TMPRSS12: variants seen among roughly 807,000 people sequenced by gnomAD.
TMPRSS12 encodes the protein transmembrane serine protease 12.
TMPRSS12 carries 25 observed loss-of-function variants against 26.0 expected under a neutral mutation model. That is an observed-to-expected ratio of 0.96 (90% CI 0.70 to 1.34). TMPRSS12 has a LOEUF of 1.34. Among genes scored for constraint, TMPRSS12 ranks in the 40% most tolerant of loss-of-function variants. The pLI is 0.00. For missense variants in TMPRSS12, 441 were observed against 440.1 expected, an observed-to-expected ratio of 1.00 and a Z score of -0.02; for synonymous variants, 150 against 161.7, an observed-to-expected ratio of 0.93 and a Z score of 0.55.
At chr12:50,871,308 C>T (rs1187069762) in intron 3 of TMPRSS12, among the ~76,000 whole-genome samples, 1 of 152,154 alleles carries the variant, frequency 6.6e-6, no homozygotes, top group African/African-American at 2.4e-5. Context: ...TTGCAGCCAA[C>T]TGATCTTCAA....
intron 3 of TMPRSS12, among the ~76,000 whole-genome samples, chr12:50,874,241 C>T (rs1311268488): frequency 6.6e-6 from 1 of 151,988 alleles, no homozygotes. Context: ...TATTATTATC[C>T]TGACACCAAA....
chr12:50,854,747 A>G (rs1565931440), intron 2 of TMPRSS12, among the ~76,000 whole-genome samples: 1 of 152,216 alleles, frequency 6.6e-6, no homozygotes, highest in African/African-American at 2.4e-5. Flanking sequence ...CTAAGGATAC[A>G]TCTAACCAGG....
At chr12:50,859,247 G>T (rs1937912460) in intron 3 of TMPRSS12, among the ~76,000 whole-genome samples, 194 bp downstream of exon 3, 1 of 146,194 alleles carries the variant, frequency 6.8e-6, no homozygotes, top group South Asian at 2.2e-4. Context: ...ACAGAGTCTT[G>T]CTCTGTTGCC....
intron 3 of TMPRSS12, among the ~76,000 whole-genome samples, chr12:50,860,407 T>C (rs577416070): frequency 1.1e-4 from 17 of 152,296 alleles, no homozygotes; most frequent in African/African-American, 3.8e-4. Flanking sequence ...TCTGTTCTTG[T>C]TGTTATTTAA....
intron 2 of TMPRSS12, 48 bp from the exon 3 acceptor site, chr12:50,858,737 C>G (rs1565932273): frequency 7.3e-7 from 1 of 1,366,534 alleles, no homozygotes; most frequent in Non-Finnish European, 9.6e-7. Flanking sequence ...AGAATATGTA[C>G]TTAGTTAATT....
intron 3 of TMPRSS12, 53 bp from the exon 4 acceptor site, chr12:50,885,193 T>C: frequency 6.7e-7 from 1 of 1,490,634 alleles, no homozygotes; most frequent in Non-Finnish European, 9.0e-7. Context: ...AACATTTAAA[T>C]CACTGTAAAA....
chr12:50,873,703 G>T (rs1017083493), intron 3 of TMPRSS12, among the ~76,000 whole-genome samples: 2 of 152,150 alleles, frequency 1.3e-5, no homozygotes, highest in Non-Finnish European at 2.9e-5. Flanking sequence ...TGTTAAAACT[G>T]GGCAAGCGGA....
intron 3 of TMPRSS12, among the ~76,000 whole-genome samples, chr12:50,860,636 G>A (rs996640647): frequency 6.7e-6 from 1 of 150,172 alleles, no homozygotes; most frequent in African/African-American, 2.5e-5. Flanking sequence ...AAGAGACATG[G>A]TCTTGCTGTG....
chr12:50,850,012 T>C (rs1377490472), intron 2 of TMPRSS12, among the ~76,000 whole-genome samples: 1 of 152,296 alleles, frequency 6.6e-6, no homozygotes, highest in East Asian at 1.9e-4. Context: ...TATGGAGCCT[T>C]ATGAGTTTGG....
At chr12:50,883,086 T>C (rs1048784421) in intron 3 of TMPRSS12, among the ~76,000 whole-genome samples, 2 of 152,212 alleles carry the variant, frequency 1.3e-5, no homozygotes, top group Non-Finnish European at 2.9e-5. Flanking sequence ...CTCAGCACTC[T>C]GGGAGGCCAA....
rs540445490 is a variant in TMPRSS12 at position 50,859,544 on chromosome 12, G to A, written c.652+491G>A. On this transcript the variant is annotated intron_variant, in intron 3 of 4. Transcript: ENST00000398458. Reference sequence around the variant, plus strand: ...AGCTAATTTTTGTATTTGTAGTAAAGACAGGGTTTCACCATGTTGACCAGG... The same window carrying A: ...AGCTAATTTTTGTATTTGTAGTAAAAACAGGGTTTCACCATGTTGACCAGG... Among the ~76,000 whole-genome samples the A allele has an allele frequency of 2.0e-5, 3 of 152,178 alleles. No homozygotes were observed. The South Asian group carries it at 6.2e-4, about 32-fold the overall frequency.
At position 50,858,775 on chromosome 12, in the gene TMPRSS12, T is replaced by C. The variant is rs752131161; in HGVS notation, c.384-10T>C. On this transcript the variant is annotated splice_polypyrimidine_tract_variant and intron_variant, in intron 2 of 4. Transcript: ENST00000398458. Reference sequence around the variant, plus strand: ...AGATATTTATAATAAGAATGTTTACTTTCTTTCAGCGATCCTTTAATGTGG... The same window carrying C: ...AGATATTTATAATAAGAATGTTTACCTTCTTTCAGCGATCCTTTAATGTGG... The C allele has an allele frequency of 1.2e-5, 18 of 1,513,944 alleles. No individual in the cohort carries two copies. The highest frequency in any genetic ancestry group is 7.0e-6 in the Non-Finnish European group (8 of 1,136,118). 93.8% of individuals were successfully genotyped at this position (1,513,944 alleles called of 1,614,324 possible).
At chr12:50,864,590 TA>T (rs1051087534) in intron 3 of TMPRSS12, among the ~76,000 whole-genome samples, 6 of 152,218 alleles carry the variant, frequency 3.9e-5, no homozygotes, top group Admixed American at 1.3e-4. Flanking sequence ...AGGTATAGAA[TA>T]AAAAAATATG....
At chr12:50,856,074 A>AT (rs1937873765) in intron 2 of TMPRSS12, among the ~76,000 whole-genome samples, 1 of 152,174 alleles carries the variant, frequency 6.6e-6, no homozygotes, top group African/African-American at 2.4e-5. Context: ...GGAGAAGTGG[A>AT]TTGAAAAACT....
intron 3 of TMPRSS12, among the ~76,000 whole-genome samples, chr12:50,876,547 G>A (rs1158658137): frequency 6.6e-6 from 1 of 152,196 alleles, no homozygotes; most frequent in African/African-American, 2.4e-5. Context: ...GCTCACGCCT[G>A]TAATCCCAGC....
intron 3 of TMPRSS12, among the ~76,000 whole-genome samples, chr12:50,882,602 T>G (rs995361694): frequency 6.6e-6 from 1 of 152,252 alleles, no homozygotes; most frequent in Admixed American, 6.5e-5. Context: ...CTTTTTAAAA[T>G]GTTATGCTGT....
chr12:50,862,088 G>C (rs930383388), intron 3 of TMPRSS12, among the ~76,000 whole-genome samples: 1 of 152,280 alleles, frequency 6.6e-6, no homozygotes, highest in Middle Eastern at 3.4e-3. Context: ...GATTACAGGC[G>C]TGAGCCAGGT....
intron 3 of TMPRSS12, among the ~76,000 whole-genome samples, chr12:50,881,029 C>A (rs1285443008): frequency 8.1e-6 from 1 of 123,086 alleles, no homozygotes; most frequent in Non-Finnish European, 1.6e-5. Context: ...GTTGCCCAGG[C>A]TGTGTACCAT....
intron 2 of TMPRSS12, among the ~76,000 whole-genome samples, chr12:50,844,421 T>C (rs941429614): frequency 7.2e-5 from 11 of 152,018 alleles, no homozygotes; most frequent in Non-Finnish European, 1.2e-4. Context: ...TTACCCAGGC[T>C]GGAGTGCAGT....
Sources: gnomAD v4.1 joint callset for allele counts (sites outside exome capture counted in the v4.1 genomes callset) on GRCh38, gnomAD v4.1.1 for gene constraint, MANE v1.5 for transcripts, NCBI Gene and HGNC (gene_info 2026-07-23, HGNC 2026-07-21) for gene names.